The following P4HA1 variants were observed in gnomAD, a reference collection of about 807,000 sequenced individuals.
The protein encoded by P4HA1 is prolyl 4-hydroxylase subunit alpha-1.
A neutral mutation model predicts 72.8 loss-of-function variants in P4HA1; 24 were observed. The observed-to-expected ratio is 0.33, with a 90% confidence interval of 0.24 to 0.46. P4HA1 has a LOEUF of 0.46. P4HA1 is among the 20% of genes least tolerant of loss of function. P4HA1 has a pLI of 1.00. For synonymous variants in P4HA1, 201 were observed against 218.8 expected, an observed-to-expected ratio of 0.92 and a Z score of 0.72; for missense variants, 446 against 640.6, an observed-to-expected ratio of 0.70 and a Z score of 3.28.
In P4HA1 at chr10:73,051,277, A is replaced by G. The variant is rs201818553; in HGVS notation, c.704-28T>C. On this transcript the variant is annotated intron_variant, in intron 6 of 14. Transcript: ENST00000394890. ...ATTAGAAGAGAAACAAAGCATGTCC[A>G]TGGGTAAGTTCATGCTTGTTCAAGC... 141 of 1,258,258 alleles carry G rather than the reference A, an allele frequency of 1.1e-4. No homozygotes were observed. In the South Asian group the frequency reaches 1.6e-3, roughly 15 times the overall value. 77.9% of individuals were successfully genotyped at this position (1,258,258 alleles called of 1,614,324 possible).
chr10:73,059,382 G>A (rs1841245141), intron 5 of P4HA1, among the ~76,000 whole-genome samples: 1 of 137,000 alleles, frequency 7.3e-6, no homozygotes, highest in Admixed American at 8.0e-5. Flanking sequence ...CTGAGCCAGG[G>A]AGTTCAAGAC....
At chr10:73,059,423 TTAAAAAAAAAAAAAAAA>T (rs558372674) in intron 5 of P4HA1, among the ~76,000 whole-genome samples, 2,648 of 47,556 alleles carry the variant, frequency 0.056, 218 homozygotes, top group African/African-American at 0.21. Flanking sequence ...GACAATATAT[TTAAAAAAAAAAAAAAAA>T]AAAAAAAAAA....
At chr10:73,049,212 A>C (rs1034391848) in intron 7 of P4HA1, among the ~76,000 whole-genome samples, 3 of 152,180 alleles carry the variant, frequency 2.0e-5, no homozygotes, top group Non-Finnish European at 4.4e-5. Flanking sequence ...CCATGAACCT[A>C]TCTATTGAAA....
intron 1 of P4HA1, among the ~76,000 whole-genome samples, chr10:73,092,546 T>TG (rs113865189): frequency 0.1 from 15,219 of 149,906 alleles, 1,135 homozygotes; most frequent in East Asian, 0.3. Flanking sequence ...TGTAGAGAGA[T>TG]GGGGTCTCAC....
rs71021546 is a variant in P4HA1 at position 73,070,142 on chromosome 10, CTTTTTTTTTTTTT to C, written c.326-1172_326-1160del. 3.6e-4 allele frequency among the ~76,000 whole-genome samples: 23 copies of C among 64,500 alleles called. No individual in the cohort carries two copies. In the East Asian group the frequency reaches 3.7e-3, roughly 10 times the overall value. The allele number at this position is 64,500 out of a possible 152,430, so 42.3% of individuals were successfully genotyped here. A position where few individuals can be genotyped will look rare whatever the true frequency, so the allele number is the denominator to read the frequency against. ...TATTTTGAACAGCAAGAGACCAGGC[CTTTTTTTTTTTTT>C]TTTTTTTTTTTTTTTTTTTTGAGAT... On this transcript the variant is annotated intron_variant, in intron 4 of 14. Coordinates refer to ENST00000394890, the MANE Select transcript of P4HA1 (RefSeq NM_001017962.3).
intron 1 of P4HA1, among the ~76,000 whole-genome samples, chr10:73,082,055 T>C (rs1264099970): frequency 1.3e-5 from 2 of 152,256 alleles, no homozygotes; most frequent in African/African-American, 4.8e-5. Flanking sequence ...ACAACCATTC[T>C]GTGGTTCACT....
At chr10:73,028,621 G>C (rs1840352286) in intron 10 of P4HA1, among the ~76,000 whole-genome samples, 1 of 151,984 alleles carries the variant, frequency 6.6e-6, no homozygotes, top group African/African-American at 2.4e-5. Context: ...TTTTAGTAGA[G>C]ACGGGGTTTC....
intron 1 of P4HA1, among the ~76,000 whole-genome samples, chr10:73,081,910 G>A (rs922929128): frequency 6.6e-6 from 1 of 152,148 alleles, no homozygotes; most frequent in Non-Finnish European, 1.5e-5. Flanking sequence ...CAGTAACTCA[G>A]GAGGCTGAGG....
intron 5 of P4HA1, among the ~76,000 whole-genome samples, chr10:73,057,383 G>A (rs1193275131): frequency 6.6e-6 from 1 of 151,840 alleles, no homozygotes; most frequent in Non-Finnish European, 1.5e-5. Flanking sequence ...CCAGCTACTT[G>A]GGAAGCTGAG....
At chr10:73,095,234 A>T (rs1329839172) in intron 1 of P4HA1, among the ~76,000 whole-genome samples, 2 of 128,882 alleles carry the variant, frequency 1.6e-5, no homozygotes, top group African/African-American at 8.9e-5. Flanking sequence ...AGCTAAAAAA[A>T]AAAAAAAAAA....
intron 5 of P4HA1, among the ~76,000 whole-genome samples, chr10:73,066,553 T>C (rs1246015870): frequency 6.6e-6 from 1 of 152,200 alleles, no homozygotes; most frequent in Non-Finnish European, 1.5e-5. Flanking sequence ...GGTCTCACTC[T>C]GTTGCCCAGG....
At chr10:73,028,870 C>T (rs1840363680) in intron 10 of P4HA1, among the ~76,000 whole-genome samples, 1 of 150,176 alleles carries the variant, frequency 6.7e-6, no homozygotes, top group Non-Finnish European at 1.5e-5. Flanking sequence ...CATGGTGAAA[C>T]CCCATCTCTA....
Position 73,009,228 on chromosome 10 carries a change from G to A in P4HA1, c.1534+579C>T, listed in dbSNP as rs369720041. Among the ~76,000 whole-genome samples the A allele has an allele frequency of 1.1e-3, 165 of 152,178 alleles. 4 individuals carry two copies. The South Asian group carries it at 0.032, about 30-fold the overall frequency. ...ACACAGATTGAAATGGATACATGGGGCTAATTAATAGATATTAAAACTAAT... is the reference window on the plus strand; with the variant it reads ...ACACAGATTGAAATGGATACATGGGACTAATTAATAGATATTAAAACTAAT... On this transcript the variant is annotated intron_variant, in intron 14 of 14. Transcript: ENST00000394890.
intron 5 of P4HA1, among the ~76,000 whole-genome samples, chr10:73,064,752 A>G (rs903656038): frequency 1.3e-5 from 2 of 151,790 alleles, no homozygotes; most frequent in Non-Finnish European, 2.9e-5. Flanking sequence ...GAGGCAAGAG[A>G]ATCGCTTGAA....
At chr10:73,031,103 G>C (rs1840423183) in intron 9 of P4HA1, among the ~76,000 whole-genome samples, 1 of 152,124 alleles carries the variant, frequency 6.6e-6, no homozygotes, top group African/African-American at 2.4e-5. Flanking sequence ...CCAAAAAGTA[G>C]AAACTACCCA....
chr10:73,077,532 C>T (rs543816830), intron 1 of P4HA1, among the ~76,000 whole-genome samples: 58 of 152,220 alleles, frequency 3.8e-4, no homozygotes, highest in African/African-American at 1.4e-3. Flanking sequence ...AAATTCAAAA[C>T]AATCGTAAAA....
intron 5 of P4HA1, among the ~76,000 whole-genome samples, chr10:73,067,702 G>GGC (rs1841460005): frequency 6.6e-6 from 1 of 151,948 alleles, no homozygotes; most frequent in African/African-American, 2.4e-5. Context: ...CCATTTTTCT[G>GGC]GCTAATTCCT....
intron 1 of P4HA1, among the ~76,000 whole-genome samples, chr10:73,089,511 G>T (rs1480406592): frequency 6.6e-6 from 1 of 152,042 alleles, no homozygotes; most frequent in East Asian, 1.9e-4. Context: ...CCAACAACTT[G>T]TACATGAATG....
intron 7 of P4HA1, among the ~76,000 whole-genome samples, chr10:73,049,557 T>C (rs1299007721): frequency 6.6e-6 from 1 of 152,234 alleles, no homozygotes; most frequent in African/African-American, 2.4e-5. Flanking sequence ...ATGTTCAACT[T>C]TGTTTAACAA....
Sources: gnomAD v4.1 joint callset for allele counts (sites outside exome capture counted in the v4.1 genomes callset) on GRCh38, gnomAD v4.1.1 for gene constraint, MANE v1.5 for transcripts, NCBI Gene and HGNC (gene_info 2026-07-23, HGNC 2026-07-21) for gene names.